The following ROBO1 variants were observed in gnomAD, a reference collection of about 807,000 sequenced individuals.
ROBO1 encodes roundabout homolog 1.
In ROBO1, 149 loss-of-function variants were observed where a neutral mutation model predicts 195.9. The observed-to-expected ratio is 0.76, with a 90% CI of 0.67 to 0.87. The LOEUF (loss-of-function observed/expected upper bound fraction) is 0.87, where lower values mean the gene tolerates loss of function less well. Ranked by LOEUF, ROBO1 falls within the 40% of genes least tolerant of loss-of-function variation. The pLI is 0.00. For missense variants in ROBO1, 1,933 were observed against 2,068.3 expected (o/e 0.93, Z 1.27); for synonymous variants, 816 against 733.2 (o/e 1.11, Z -1.82).
At chr3:79,720,853 T>C (rs1262676840) in intron 1 of ROBO1, among the ~76,000 whole-genome samples, 9 of 150,322 alleles carry the variant, frequency 6.0e-5, no homozygotes, top group South Asian at 4.2e-4. Flanking sequence ...AGTGCAGTGG[T>C]GCGATCTCGG....
At chr3:79,425,003 T>C (rs1266085330) in intron 2 of ROBO1, among the ~76,000 whole-genome samples, 45 of 152,176 alleles carry the variant, frequency 3.0e-4, no homozygotes, top group Non-Finnish European at 1.5e-5. Flanking sequence ...GGACATCAGC[T>C]GATAGCGACA....
intron 3 of ROBO1, among the ~76,000 whole-genome samples, chr3:78,947,243 C>A (rs2040497999): frequency 6.6e-6 from 1 of 152,156 alleles, no homozygotes; most frequent in Non-Finnish European, 1.5e-5. Context: ...CCACACCACA[C>A]CTACTCCAAA....
chr3:78,707,551 T>G (rs1199040242), intron 8 of ROBO1, among the ~76,000 whole-genome samples: 1 of 152,218 alleles, frequency 6.6e-6, no homozygotes, highest in Non-Finnish European at 1.5e-5. Context: ...TACTGTATTT[T>G]ATAGTTAAAA....
chr3:78,746,539 T>C (rs1390891762), intron 5 of ROBO1, among the ~76,000 whole-genome samples: 1 of 152,204 alleles, frequency 6.6e-6, no homozygotes. Context: ...TTTACTGATC[T>C]CTAAACACCA....
intron 2 of ROBO1, among the ~76,000 whole-genome samples, chr3:79,126,080 T>C (rs879566557): frequency 1.4e-4 from 21 of 152,156 alleles, no homozygotes; most frequent in Non-Finnish European, 3.1e-4. Flanking sequence ...TACTTTTTTC[T>C]GAGAAACACG....
intron 1 of ROBO1, among the ~76,000 whole-genome samples, chr3:79,756,914 T>C (rs1195509907): frequency 6.6e-6 from 1 of 152,228 alleles, no homozygotes; most frequent in East Asian, 1.9e-4. Context: ...ATAATATTTA[T>C]CCTGTTTTTT....
chr3:79,282,723 T>C (rs1403081468), intron 2 of ROBO1, among the ~76,000 whole-genome samples: 2 of 152,178 alleles, frequency 1.3e-5, no homozygotes, highest in Non-Finnish European at 2.9e-5. Flanking sequence ...TCAGAGGATA[T>C]GGCTGGCAGG....
chr3:79,723,036 T>G (rs2107306050), intron 1 of ROBO1, among the ~76,000 whole-genome samples: 1 of 152,358 alleles, frequency 6.6e-6, no homozygotes, highest in African/African-American at 2.4e-5. Context: ...GTTTAAATAA[T>G]TTTAACCATG....
intron 2 of ROBO1, among the ~76,000 whole-genome samples, chr3:79,249,029 T>C (rs1181768566): frequency 6.6e-6 from 1 of 152,252 alleles, no homozygotes; most frequent in Non-Finnish European, 1.5e-5. Flanking sequence ...TATCAAGTAC[T>C]ATTAGAAATC....
At chr3:79,538,790 T>C (rs1276066993) in intron 2 of ROBO1, among the ~76,000 whole-genome samples, 2 of 152,202 alleles carry the variant, frequency 1.3e-5, no homozygotes, top group African/African-American at 4.8e-5. Flanking sequence ...CTTAAATGCC[T>C]AAACCTTATT....
At chr3:78,885,842 C>T (rs538527219) in intron 4 of ROBO1, among the ~76,000 whole-genome samples, 67 of 147,840 alleles carry the variant, frequency 4.5e-4, no homozygotes, top group African/African-American at 1.6e-3. Flanking sequence ...TACAACCCTG[C>T]CCATTTTACA....
intron 10 of ROBO1, among the ~76,000 whole-genome samples, chr3:78,673,957 G>A (rs1432476153): frequency 6.6e-6 from 1 of 151,896 alleles, no homozygotes; most frequent in Non-Finnish European, 1.5e-5. Flanking sequence ...TTCCATTTTA[G>A]AAATCAGGGA....
chr3:79,730,768 CTTTTTT>C (rs66527491), intron 1 of ROBO1, among the ~76,000 whole-genome samples: 1 of 95,518 alleles, frequency 1.0e-5, no homozygotes, highest in African/African-American at 3.9e-5. Flanking sequence ...CCTGTATTTC[CTTTTTT>C]TTTTTTTTTT....
chr3:79,424,884 G>A (rs984539267), intron 2 of ROBO1, among the ~76,000 whole-genome samples: 10 of 152,120 alleles, frequency 6.6e-5, no homozygotes, highest in Admixed American at 6.6e-4. Flanking sequence ...CACAAGAATA[G>A]AGACTGAAAT....
intron 29 of ROBO1, among the ~76,000 whole-genome samples, chr3:78,602,358 T>C (rs975255747): frequency 2.6e-4 from 39 of 152,154 alleles, no homozygotes; most frequent in African/African-American, 9.2e-4. Context: ...TCCGCCATGA[T>C]TCTAAGCTTC....
At chr3:79,275,513 T>C (rs1418907733) in intron 2 of ROBO1, among the ~76,000 whole-genome samples, 1 of 151,810 alleles carries the variant, frequency 6.6e-6, no homozygotes, top group Non-Finnish European at 1.5e-5. Flanking sequence ...AGCAGACCCA[T>C]AGCTGGTATC....
At chr3:79,701,267 A>G (rs1184177748) in intron 1 of ROBO1, among the ~76,000 whole-genome samples, 1 of 151,738 alleles carries the variant, frequency 6.6e-6, no homozygotes, top group African/African-American at 2.4e-5. Flanking sequence ...CAATGCCTCC[A>G]GGTTTGTTCT....
intron 4 of ROBO1, chr3:78,759,183 T>C (rs2083024357): frequency 1.3e-5 from 2 of 153,186 alleles, no homozygotes. Context: ...TGAAGGTTCT[T>C]GTGATGAACA....
At chr3:79,245,475 G>C (rs1404677293) in intron 2 of ROBO1, among the ~76,000 whole-genome samples, 1 of 151,990 alleles carries the variant, frequency 6.6e-6, no homozygotes, top group African/African-American at 2.4e-5. Context: ...CCTCTATCAT[G>C]AACTCTTACT....
Sources: gnomAD v4.1 joint callset for allele counts (sites outside exome capture counted in the v4.1 genomes callset) on GRCh38, gnomAD v4.1.1 for gene constraint, MANE v1.5 for transcripts, NCBI Gene and HGNC (gene_info 2026-07-23, HGNC 2026-07-21) for gene names.